FBXL14: variants seen among roughly 807,000 people sequenced by gnomAD.
FBXL14 encodes F-box and leucine rich repeat protein 14, also known as F-box/LRR-repeat protein 14.
A neutral mutation model predicts 24.5 loss-of-function variants in FBXL14; 11 were observed. The observed-to-expected ratio is 0.45, with a 90% CI of 0.28 to 0.74. FBXL14 has a LOEUF of 0.74. FBXL14 is among the 30% of genes least tolerant of loss of function. The pLI, the probability that FBXL14 is intolerant of heterozygous loss-of-function variation, is 0.12. For synonymous variants in FBXL14, 294 were observed against 240.4 expected (o/e 1.22, Z -2.06); for missense variants, 384 against 545.6 (o/e 0.70, Z 2.95).
In FBXL14 at chr12:1,566,714, G is replaced by A. The variant is rs1326774478; in HGVS notation, c.*34C>T. The A allele has an allele frequency of 1.3e-6, 1 of 780,670 alleles. No individual in the cohort carries two copies. The highest frequency in any genetic ancestry group is 1.3e-5 in the South Asian group (1 of 74,494). 48.4% of individuals were successfully genotyped at this position (780,670 alleles called of 1,614,324 possible). ...AGAGCGGGCAAGTCTGGAAGTTAAAGATCCACGGGAACCATGTCGTTGTCC... is the reference window on the plus strand; with the variant it reads ...AGAGCGGGCAAGTCTGGAAGTTAAAAATCCACGGGAACCATGTCGTTGTCC... On this transcript the variant is annotated 3_prime_UTR_variant, in exon 2 of 2. Transcript: ENST00000339235.
At chr12:1,592,529 A>AC (rs964117968) in intron 1 of FBXL14, among the ~76,000 whole-genome samples, 2 of 152,012 alleles carry the variant, frequency 1.3e-5, no homozygotes, top group Admixed American at 6.6e-5. Context: ...GTCACTCCCC[A>AC]CCCCCATTTC....
At chr12:1,581,627 C>T (rs1253183637) in intron 1 of FBXL14, among the ~76,000 whole-genome samples, 2 of 152,184 alleles carry the variant, frequency 1.3e-5, no homozygotes, top group Non-Finnish European at 1.5e-5. Flanking sequence ...CAACGTTGGT[C>T]CTGACGGCTG....
chr12:1,594,102 A>C lies in FBXL14; in HGVS notation c.-36T>G. On this transcript the variant is annotated 5_prime_UTR_variant, in exon 1 of 2. Transcript: ENST00000339235. ...CCCCCTCCGCGGCGCTGGGGGGAGG[A>C]GGCGCGGGCCCCGCCGCTCCGGCCT... 10 of 1,345,976 alleles carry C rather than the reference A, an allele frequency of 7.4e-6. No homozygotes were observed. The highest frequency in any genetic ancestry group is 9.5e-6 in the Non-Finnish European group (10 of 1,053,832). 83.4% of individuals were successfully genotyped at this position (1,345,976 alleles called of 1,614,324 possible). A position where few individuals can be genotyped will look rare whatever the true frequency, so the allele number is the denominator to read the frequency against.
intron 1 of FBXL14, among the ~76,000 whole-genome samples, chr12:1,575,439 T>C (rs2094453977): frequency 1.3e-5 from 2 of 152,210 alleles, no homozygotes; most frequent in Non-Finnish European, 1.5e-5. Context: ...GTAGATCTTT[T>C]GCATCCCTGG....
At chr12:1,571,751 C>G (rs2094445870) in intron 1 of FBXL14, among the ~76,000 whole-genome samples, 1 of 152,120 alleles carries the variant, frequency 6.6e-6, no homozygotes, top group Admixed American at 6.5e-5. Context: ...TGTCCCTATC[C>G]CATTTGAAGT....
At chr12:1,581,728 A>G (rs911991438) in intron 1 of FBXL14, among the ~76,000 whole-genome samples, 1 of 152,198 alleles carries the variant, frequency 6.6e-6, no homozygotes, top group African/African-American at 2.4e-5. Flanking sequence ...AGTCACACCA[A>G]CATCCTCACG....
chr12:1,568,857 A>C (rs1231408871), intron 1 of FBXL14, among the ~76,000 whole-genome samples: 1 of 152,140 alleles, frequency 6.6e-6, no homozygotes, highest in East Asian at 1.9e-4. Flanking sequence ...ACTCCATCTC[A>C]AAAAACAAAA....
At chr12:1,594,714 A>C (rs1433656129), upstream of FBXL14, among the ~76,000 whole-genome samples, 1 of 148,784 alleles carries the variant, frequency 6.7e-6, no homozygotes, top group Non-Finnish European at 1.5e-5. Flanking sequence ...CCCCCGCACC[A>C]AGGACGCCGC....
Position 1,566,657 on chromosome 12 carries a change from C to G in FBXL14, c.*91G>C, listed in dbSNP as rs1032252718. ...CCCGAGCAGTGACAGGCAGGGAAAC[C>G]TGAGCTGTCATCACCAGAGTGCCGG... On this transcript the variant is annotated 3_prime_UTR_variant, in exon 2 of 2. Coordinates refer to ENST00000339235, the MANE Select transcript of FBXL14 (RefSeq NM_152441.3). 2.6e-6 allele frequency: 2 copies of G among 757,992 alleles called. No homozygotes were observed. The highest frequency in any genetic ancestry group is 2.5e-5 in the East Asian group (1 of 40,748). 47.0% of individuals were successfully genotyped at this position (757,992 alleles called of 1,614,324 possible). A position where few individuals can be genotyped will look rare whatever the true frequency, so the allele number is the denominator to read the frequency against.
intron 1 of FBXL14, among the ~76,000 whole-genome samples, chr12:1,592,182 A>ATATATATGTATATATATATATATATAATT (rs1320305176): frequency 6.9e-6 from 1 of 145,426 alleles, no homozygotes; most frequent in African/African-American, 2.6e-5. Context: ...GTAGCCAGAC[A>ATATATATGTATATATATATATATATAATT]TATATATGTA....
At position 1,574,492 on chromosome 12, in the gene FBXL14, C is replaced by CTGGT. The variant is rs2094451965; in HGVS notation, c.1195-7683_1195-7682insACCA. 7.4e-4 allele frequency among the ~76,000 whole-genome samples: 3 copies of CTGGT among 4,064 alleles called. 1 individual carries two copies. The highest frequency in any genetic ancestry group is 2.0e-3 in the Non-Finnish European group (2 of 1,014). 2.7% of individuals were successfully genotyped at this position (4,064 alleles called of 152,430 possible). A position where few individuals can be genotyped will look rare whatever the true frequency, so the allele number is the denominator to read the frequency against. On this transcript the variant is annotated intron_variant, in intron 1 of 1. Coordinates refer to ENST00000339235, the MANE Select transcript of FBXL14 (RefSeq NM_152441.3). Reference sequence around the variant, plus strand: ...GGAGGCTGGGGTGAGGGGAGGCTGGCAGCAGCGGTGTGGATGGAGGCTGGG... The same window carrying CTGGT: ...GGAGGCTGGGGTGAGGGGAGGCTGGCTGGTAGCAGCGGTGTGGATGGAGGCTGGG...
At chr12:1,588,379 A>G (rs753686200) in intron 1 of FBXL14, among the ~76,000 whole-genome samples, 9 of 152,220 alleles carry the variant, frequency 5.9e-5, no homozygotes, top group Non-Finnish European at 8.8e-5. Flanking sequence ...TATGTAAGAG[A>G]AAGTTCATAC....
intron 1 of FBXL14, among the ~76,000 whole-genome samples, chr12:1,577,324 G>A (rs920993210): frequency 1.3e-5 from 2 of 152,068 alleles, no homozygotes; most frequent in Non-Finnish European, 2.9e-5. Flanking sequence ...AAAGGATGTA[G>A]CCCCTCCTCG....
At position 1,567,261 on chromosome 12, in the gene FBXL14, G is replaced by A. The variant is rs903882380; in HGVS notation, c.1195-451C>T. ...GCGGATCACCTGAGGTCAGGAGTTC[G>A]AGACCAGCCTGGCCAATATGGCAAA... On this transcript the variant is annotated intron_variant, in intron 1 of 1. Transcript: ENST00000339235. The surrounding 1 kb of genome is among the most constrained non-coding windows in gnomAD (Gnocchi z 4.8). 1.3e-5 allele frequency among the ~76,000 whole-genome samples: 2 copies of A among 151,918 alleles called. No homozygotes were observed. Among genetic ancestry groups the A allele is most frequent in the African/African-American group, 2.4e-5 (1 of 41,344 alleles).
intron 1 of FBXL14, among the ~76,000 whole-genome samples, chr12:1,576,564 C>T (rs1199333802): frequency 2.0e-5 from 3 of 152,190 alleles, no homozygotes; most frequent in Non-Finnish European, 4.4e-5. Context: ...GAATCTGAAG[C>T]CCAGCTCTGT....
intron 1 of FBXL14, among the ~76,000 whole-genome samples, chr12:1,590,256 G>GTGA (rs1229974843): frequency 1.3e-5 from 2 of 152,084 alleles, no homozygotes; most frequent in African/African-American, 4.8e-5. Context: ...AGACCCAATT[G>GTGA]TGATGACTCT....
At position 1,567,493 on chromosome 12, in the gene FBXL14, A is replaced by AAAT. The variant is rs374403346; in HGVS notation, c.1195-686_1195-684dup. Among the ~76,000 whole-genome samples the AAAT allele has an allele frequency of 6.6e-6, 1 of 151,984 alleles. No homozygotes were observed. Among genetic ancestry groups the AAAT allele is most frequent in the Non-Finnish European group, 1.5e-5 (1 of 67,998 alleles). Reference sequence around the variant, plus strand: ...GCGACAGAGTGGTACTCTGTCTCAAAAATAATAATAATAATAAAATGAAAT... The same window carrying AAAT: ...GCGACAGAGTGGTACTCTGTCTCAAAAATAATAATAATAATAATAAAATGAAAT... On this transcript the variant is annotated intron_variant, in intron 1 of 1. Coordinates refer to ENST00000339235, the MANE Select transcript of FBXL14 (RefSeq NM_152441.3). This position sits in a 1 kb window ranked among gnomAD's most constrained non-coding sequence, Gnocchi z 4.8.
chr12:1,593,222 G>A lies in FBXL14; in HGVS notation c.845C>T (p.Ser282Leu), dbSNP rs1419276379. Reference protein sequence around the residue: ...MHLAMGSLRLSGLDVSFCDKV... With the variant: ...MHLAMGSLRLLGLDVSFCDKV... ...GTCACAGAACGAAACATCCAGCCCC[G>A]AGAGGCGCAGGCTGCCCATGGCCAG... Residue 282 changes from serine (S) to leucine (L), a missense_variant, in exon 1 of 2, where the codon TCG becomes TTG. By Grantham distance (145) the Ser-to-Leu change is moderately radical. Transcript: ENST00000339235. This position sits in a 1 kb window ranked among gnomAD's most constrained non-coding sequence, Gnocchi z 7.4. The A allele has an allele frequency of 1.2e-6, 2 of 1,612,900 alleles. No individual in the cohort carries two copies. The highest frequency in any genetic ancestry group is 1.7e-6 in the Non-Finnish European group (2 of 1,180,026).
chr12:1,584,062 C>T (rs1165074237), intron 1 of FBXL14, among the ~76,000 whole-genome samples: 1 of 152,070 alleles, frequency 6.6e-6, no homozygotes, highest in Non-Finnish European at 1.5e-5. Context: ...ATTTTTATTT[C>T]TAAAGAAAGC....
Sources: allele counts gnomAD v4.1 joint callset (sites outside exome capture counted in the v4.1 genomes callset), GRCh38; gene constraint gnomAD v4.1.1; non-coding constraint Gnocchi (gnomAD v3.1); transcripts MANE v1.5; gene names NCBI Gene and HGNC (gene_info 2026-07-23, HGNC 2026-07-21).